Variants in VPS13C observed in about 807,000 individuals in gnomAD.
The protein encoded by VPS13C is intermembrane lipid transfer protein VPS13C.
In VPS13C, 358 loss-of-function variants were observed where a neutral mutation model predicts 456.8. The observed-to-expected ratio is 0.78, with a 90% CI of 0.72 to 0.86. The LOEUF (loss-of-function observed/expected upper bound fraction) is 0.86, where lower values mean the gene tolerates loss of function less well. Among genes scored for constraint, VPS13C ranks in the 40% least tolerant of loss-of-function variants. VPS13C has a pLI of 0.00. For synonymous variants in VPS13C, 1,578 were observed against 1,486.7 expected, an observed-to-expected ratio of 1.06 and a Z score of -1.41; for missense variants, 4,818 against 4,385.4, an observed-to-expected ratio of 1.10 and a Z score of -2.79.
intron 53 of VPS13C, among the ~76,000 whole-genome samples, chr15:61,923,409 C>T (rs920028361): frequency 7.9e-5 from 12 of 152,124 alleles, no homozygotes; most frequent in Non-Finnish European, 1.8e-4. Context: ...CTACGGCCAA[C>T]GCCCTCTCAG....
intron 61 of VPS13C, among the ~76,000 whole-genome samples, chr15:61,913,700 A>G (rs920957972): frequency 4.6e-5 from 7 of 152,198 alleles, no homozygotes; most frequent in Non-Finnish European, 7.3e-5. Context: ...TATTGTTTTT[A>G]AAAAGAATTA....
chr15:62,059,492 C>G (rs1343701767), intron 1 of VPS13C, among the ~76,000 whole-genome samples: 1 of 152,140 alleles, frequency 6.6e-6, no homozygotes, highest in Non-Finnish European at 1.5e-5. Flanking sequence ...TGTTTAAGTA[C>G]ACTATTTCCT....
rs372778454 is a variant in VPS13C at position 61,987,789 on chromosome 15, A to G, written c.1579-2790T>C. On this transcript the variant is annotated intron_variant, in intron 18 of 84. Transcript: ENST00000644861. ...GTAGCAACTGGAACCAGTAGTAGGA[A>G]TATAAAATATTACAACTTTTGGAGA... Among the ~76,000 whole-genome samples, 11 of 152,336 alleles carry G rather than the reference A, an allele frequency of 7.2e-5. 1 individual carries two copies. Among genetic ancestry groups the G allele is most frequent in the Admixed American group, 4.6e-4 (7 of 15,304 alleles).
intron 16 of VPS13C, among the ~76,000 whole-genome samples, chr15:61,996,830 GA>G (rs141566472): frequency 2.1e-5 from 3 of 140,528 alleles, no homozygotes; most frequent in Non-Finnish European, 4.7e-5. Context: ...AAGACTGCAG[GA>G]AAAAAAAATG....
rs141932093 is a variant in VPS13C, at chr15:61,880,910, T to C, written c.9821A>G (p.Gln3274Arg). Residue 3274 changes from glutamine to arginine, a missense_variant, in exon 72 of 85, where the codon CAA (glutamine) becomes CGA (arginine). By Grantham distance (43) the Gln-to-Arg change is conservative. Coordinates refer to ENST00000644861, the MANE Select transcript of VPS13C (RefSeq NM_020821.3). ...LIQEMALKIDQGFLGAIIALF... is the reference protein window; with the variant it reads ...LIQEMALKIDRGFLGAIIALF... ...TGCAATAATAGCTCCTAGAAACCCT[T>C]GATCAATTTTTAAGGCCATTTCCTG... The C allele has an allele frequency of 6.2e-7, 1 of 1,610,368 alleles. No individual in the cohort carries two copies. The highest frequency in any genetic ancestry group is 1.3e-5 in the African/African-American group (1 of 74,748).
In VPS13C at chr15:61,951,896, T is replaced by C. The variant is rs772417361; in HGVS notation, c.4384A>G (p.Lys1462Glu). Residue 1462 changes from lysine to glutamate, a missense_variant, in exon 39 of 85, where the codon AAA (lysine) becomes GAA (glutamate). By Grantham distance (56) the Lys-to-Glu change is moderately conservative. This residue lies in a region of VPS13C where 4,552 missense variants were observed against 4,130.6 expected (regional missense o/e 1.10). Coordinates refer to ENST00000644861, the MANE Select transcript of VPS13C (RefSeq NM_020821.3). ...GCAGTCATGTCATAGGTTTTAACTTTAGCTTCCATTCCAAGTTGCAGGACA... is the reference window on the plus strand; with the variant it reads ...GCAGTCATGTCATAGGTTTTAACTTCAGCTTCCATTCCAAGTTGCAGGACA... ...LNVLQLGMEA[K>E]VKTYDMTAKA... The C allele has an allele frequency of 6.2e-7, 1 of 1,613,950 alleles. No homozygotes were observed. The highest frequency in any genetic ancestry group is 8.5e-7 in the Non-Finnish European group (1 of 1,179,918).
At chr15:62,051,755 TAG>T (rs2048627058) in intron 1 of VPS13C, among the ~76,000 whole-genome samples, 2 of 152,070 alleles carry the variant, frequency 1.3e-5, no homozygotes, top group Non-Finnish European at 2.9e-5. Context: ...AACGGTAGGA[TAG>T]AGTCAAGGGG....
chr15:61,972,638 A>C lies in VPS13C; in HGVS notation c.2744T>G (p.Phe915Cys). 6.2e-7 allele frequency: 1 copy of C among 1,612,858 alleles called. No individual in the cohort carries two copies. The highest frequency in any genetic ancestry group is 1.1e-5 in the South Asian group (1 of 90,994). ...NEELINLLLK[F>C]EIKEVILEFT... is the part of the protein sequence containing the mutation. ...AAAAGCACATACTTCTTTAATTTCA[A>C]ACTTGAGTAGAAGATTGATGAGCTC... is the stretch of plus-strand genomic sequence containing the variant. The change falls in exon 27 of 85, where the codon TTT becomes TGT. Residue 915 changes from phenylalanine (F) to cysteine (C), a missense_variant. Transcript: ENST00000644861.
chr15:61,957,912 T>C (rs185189207), intron 37 of VPS13C, among the ~76,000 whole-genome samples: 2 of 152,180 alleles, frequency 1.3e-5, no homozygotes, highest in Non-Finnish European at 2.9e-5. Flanking sequence ...AGATATGGAA[T>C]AGACACCAAG....
chr15:61,922,806 C>A (rs768522305), intron 53 of VPS13C, 44 bp from the exon 54 acceptor site: 6 of 1,483,412 alleles, frequency 4.0e-6, no homozygotes, highest in Non-Finnish European at 5.4e-6. Flanking sequence ...AAATTCTTTC[C>A]CAGATGAGAA....
intron 18 of VPS13C, among the ~76,000 whole-genome samples, chr15:61,990,774 G>A (rs2046200121): frequency 1.3e-5 from 2 of 152,164 alleles, no homozygotes; most frequent in African/African-American, 2.4e-5. Context: ...TCACGCCACT[G>A]CACTCCAGCC....
chr15:62,043,852 T>C (rs1044000184), intron 2 of VPS13C, among the ~76,000 whole-genome samples: 2 of 152,092 alleles, frequency 1.3e-5, no homozygotes, highest in Admixed American at 6.6e-5. Context: ...GGCTAGACCA[T>C]CAATCTATTT....
At chr15:62,005,026 G>A (rs1435506981) in intron 15 of VPS13C, among the ~76,000 whole-genome samples, 1 of 151,906 alleles carries the variant, frequency 6.6e-6, no homozygotes, top group Admixed American at 6.6e-5. Context: ...TTCTGTAGAT[G>A]TCTATTAGGT....
In VPS13C at chr15:61,954,429, T is replaced by C; in HGVS notation, c.4291A>G (p.Ile1431Val). 1 of 1,604,002 alleles carries C rather than the reference T, an allele frequency of 6.2e-7. No homozygotes were observed. Among genetic ancestry groups the C allele is most frequent in the Non-Finnish European group, 8.5e-7 (1 of 1,177,048 alleles). ...AGATGAAAATTACACACCTCTTTAA[T>C]TTCAAAATTCAGCAGCATATTAATG... is the stretch of plus-strand genomic sequence containing the variant. Reference protein sequence around the residue: ...DIINMLLNFEIKEVVVTLMKK... With the variant: ...DIINMLLNFEVKEVVVTLMKK... Residue 1431 changes from isoleucine (I) to valine (V), a missense_variant, in exon 38 of 85, where the codon ATT (isoleucine) becomes GTT (valine). Physicochemically the swap from Ile to Val is conservative, Grantham distance 29. This residue lies in a region of VPS13C where 4,552 missense variants were observed against 4,130.6 expected (regional missense o/e 1.10). Coordinates refer to ENST00000644861, the MANE Select transcript of VPS13C (RefSeq NM_020821.3).
intron 82 of VPS13C, among the ~76,000 whole-genome samples, chr15:61,860,908 T>C (rs920025941): frequency 1.3e-5 from 2 of 151,566 alleles, no homozygotes; most frequent in Non-Finnish European, 2.9e-5. Context: ...AAATCTACTA[T>C]GTCCTAGGCA....
chr15:61,982,785 A>G (rs1361232190), intron 20 of VPS13C, among the ~76,000 whole-genome samples: 1 of 152,222 alleles, frequency 6.6e-6, no homozygotes, highest in Non-Finnish European at 1.5e-5. Flanking sequence ...AAATGTGCAC[A>G]TATCATTAAG....
intron 1 of VPS13C, among the ~76,000 whole-genome samples, chr15:62,056,494 T>C (rs1262114546): frequency 3.3e-5 from 5 of 152,166 alleles, no homozygotes; most frequent in African/African-American, 4.8e-5. Flanking sequence ...AAGACGCCCG[T>C]TGCCGAGCGG....
intron 67 of VPS13C, among the ~76,000 whole-genome samples, chr15:61,885,802 C>A (rs548951759): frequency 6.6e-6 from 1 of 152,162 alleles, no homozygotes; most frequent in South Asian, 2.1e-4. Flanking sequence ...ATTAGTATTT[C>A]TTTCGCTGGT....
At chr15:62,026,764 C>G (rs1244235883) in intron 6 of VPS13C, among the ~76,000 whole-genome samples, 1 of 152,040 alleles carries the variant, frequency 6.6e-6, no homozygotes, top group Non-Finnish European at 1.5e-5. Flanking sequence ...AAGAGACATG[C>G]TCAAGGGTTG....
Sources: allele counts gnomAD v4.1 joint callset (sites outside exome capture counted in the v4.1 genomes callset), GRCh38; gene constraint gnomAD v4.1.1; regional missense constraint gnomAD v4.1.1; transcripts MANE v1.5; gene names NCBI Gene and HGNC (gene_info 2026-07-23, HGNC 2026-07-21).